Variants in CDH4 observed in about 807,000 individuals in gnomAD.
The protein encoded by CDH4 is cadherin 4, also known as cadherin-4.
Under a neutral mutation model 86.0 loss-of-function variants are expected in CDH4, and 33 were observed. The observed-to-expected ratio is 0.38, with a 90% CI of 0.29 to 0.51. The LOEUF (loss-of-function observed/expected upper bound fraction) is 0.51. Among genes scored for constraint, CDH4 ranks in the 20% least tolerant of loss-of-function variants. The pLI is 0.86. For synonymous variants in CDH4, 555 were observed against 549.4 expected, an observed-to-expected ratio of 1.01 and a Z score of -0.14; for missense variants, 1,114 against 1,307.4, an observed-to-expected ratio of 0.85 and a Z score of 2.28.
intron 2 of CDH4, among the ~76,000 whole-genome samples, chr20:61,482,915 C>T (rs1050408688): frequency 1.3e-5 from 2 of 152,188 alleles, no homozygotes; most frequent in East Asian, 1.9e-4. Flanking sequence ...CCCCATTTTA[C>T]AGATCAAGAA....
chr20:61,558,343 A>T (rs1290594553), intron 2 of CDH4, among the ~76,000 whole-genome samples: 2 of 152,072 alleles, frequency 1.3e-5, no homozygotes, highest in Non-Finnish European at 2.9e-5. Flanking sequence ...CTGCCCCCCA[A>T]GTCCCATTTC....
chr20:61,635,367 A>G (rs912313671), intron 2 of CDH4, among the ~76,000 whole-genome samples: 14 of 152,134 alleles, frequency 9.2e-5, no homozygotes, highest in African/African-American at 3.4e-4. Flanking sequence ...CTTTTTGCAA[A>G]TATAACCAAC....
rs149107316 is a variant in CDH4, at chr20:61,313,851, C to T, written c.169+58914C>T. ...TCATGGCCTCTAGTGATCCTCCCAC[C>T]TCAGCCTCCTGAGTAGCTAGGACTA... is the stretch of plus-strand genomic sequence containing the variant. On this transcript the variant is annotated intron_variant, in intron 2 of 15. Transcript: ENST00000614565. Among the ~76,000 whole-genome samples, 452 of 152,316 alleles carry T rather than the reference C, an allele frequency of 3.0e-3. 14 individuals carry two copies. The highest frequency in any genetic ancestry group is 0.021 in the Admixed American group (318 of 15,310).
chr20:61,816,875 CAG>C (rs1232757085), intron 4 of CDH4, among the ~76,000 whole-genome samples: 1 of 152,182 alleles, frequency 6.6e-6, no homozygotes, highest in Non-Finnish European at 1.5e-5. Context: ...TGGGGACGCT[CAG>C]GGGTCATTTA....
intron 2 of CDH4, among the ~76,000 whole-genome samples, chr20:61,434,061 T>C (rs572848740): frequency 3.3e-5 from 5 of 152,298 alleles, no homozygotes; most frequent in Admixed American, 6.5e-5. Context: ...CCCTCTAGCA[T>C]GTACCACTCT....
chr20:61,607,315 C>T (rs2086653263), intron 2 of CDH4, among the ~76,000 whole-genome samples: 1 of 152,182 alleles, frequency 6.6e-6, no homozygotes, highest in Non-Finnish European at 1.5e-5. Flanking sequence ...CTAGGTAATA[C>T]CATGACCTTC....
intron 3 of CDH4, among the ~76,000 whole-genome samples, chr20:61,744,452 G>C (rs2088386258): frequency 4.2e-5 from 2 of 47,470 alleles, no homozygotes; most frequent in Admixed American, 2.0e-4. Flanking sequence ...AAGAGAGGGA[G>C]AGAGAGAAGG....
intron 2 of CDH4, among the ~76,000 whole-genome samples, chr20:61,630,912 C>T (rs972557478): frequency 6.6e-6 from 1 of 152,120 alleles, no homozygotes; most frequent in African/African-American, 2.4e-5. Context: ...GGAAGGTAGA[C>T]GGGTGAAACC....
chr20:61,296,269 G>GTGTGCA (rs139087257), intron 2 of CDH4, among the ~76,000 whole-genome samples: 118,291 of 144,480 alleles, frequency 0.82, 47,991 homozygotes, highest in Non-Finnish European at 0.89. Flanking sequence ...GTGCGTGTGT[G>GTGTGCA]TGTGTGCGTG....
intron 2 of CDH4, among the ~76,000 whole-genome samples, chr20:61,288,100 A>G (rs1406380214): frequency 6.6e-6 from 1 of 152,196 alleles, no homozygotes; most frequent in Admixed American, 6.5e-5. Flanking sequence ...TTGGTGAAAG[A>G]AGGCTCTGGT....
At chr20:61,484,061 C>T (rs2085582809) in intron 2 of CDH4, among the ~76,000 whole-genome samples, 1 of 152,120 alleles carries the variant, frequency 6.6e-6, no homozygotes, top group Non-Finnish European at 1.5e-5. Context: ...GCTGGGGACG[C>T]ATCTTCCTAA....
chr20:61,524,356 C>T (rs1207354697), intron 2 of CDH4, among the ~76,000 whole-genome samples: 2 of 152,134 alleles, frequency 1.3e-5, no homozygotes, highest in South Asian at 2.1e-4. Context: ...TGCATTCGTG[C>T]GATTGTGTCG....
chr20:61,336,949 T>G (rs1418051773), intron 2 of CDH4, among the ~76,000 whole-genome samples: 1 of 152,120 alleles, frequency 6.6e-6, no homozygotes, highest in Admixed American at 6.5e-5. Flanking sequence ...GTGGGCAGAT[T>G]CTGGCTATCA....
intron 2 of CDH4, among the ~76,000 whole-genome samples, chr20:61,627,213 G>C (rs953522960): frequency 6.6e-6 from 1 of 152,198 alleles, no homozygotes; most frequent in Non-Finnish European, 1.5e-5. Flanking sequence ...GATCAGGCCA[G>C]TGGTTCAAGG....
At chr20:61,608,977 G>A (rs781067025) in intron 2 of CDH4, among the ~76,000 whole-genome samples, 12 of 152,178 alleles carry the variant, frequency 7.9e-5, no homozygotes, top group Admixed American at 3.9e-4. Flanking sequence ...GCAGCCTCAC[G>A]TCTCCGGGAG....
At chr20:61,931,714 T>C (rs1390987025) in intron 13 of CDH4, among the ~76,000 whole-genome samples, 1 of 152,156 alleles carries the variant, frequency 6.6e-6, no homozygotes, top group Non-Finnish European at 1.5e-5. Context: ...GCCAGGCTTT[T>C]CCTGCAGCAG....
intron 2 of CDH4, among the ~76,000 whole-genome samples, chr20:61,651,668 A>G (rs1297029850): frequency 6.6e-6 from 1 of 152,218 alleles, no homozygotes; most frequent in Non-Finnish European, 1.5e-5. Context: ...GCATTGCTGC[A>G]GGGGACTTGC....
At chr20:61,605,251 C>T (rs563441588) in intron 2 of CDH4, among the ~76,000 whole-genome samples, 4 of 152,092 alleles carry the variant, frequency 2.6e-5, no homozygotes, top group South Asian at 2.1e-4. Context: ...GCAGGGGTGA[C>T]GAAGGCCCCT....
intron 3 of CDH4, among the ~76,000 whole-genome samples, chr20:61,769,030 G>A (rs979393552): frequency 6.6e-6 from 1 of 152,200 alleles, no homozygotes; most frequent in Non-Finnish European, 1.5e-5. Context: ...TCCGTCTCCC[G>A]CTGGGAGATG....
Sources: allele counts gnomAD v4.1 joint callset (sites outside exome capture counted in the v4.1 genomes callset), GRCh38; gene constraint gnomAD v4.1.1; transcripts MANE v1.5; gene names NCBI Gene and HGNC (gene_info 2026-07-23, HGNC 2026-07-21).